IL1RAPL2: variants seen among roughly 807,000 people sequenced by gnomAD.
The protein encoded by IL1RAPL2 is interleukin 1 receptor accessory protein like 2.
In IL1RAPL2, 3 loss-of-function variants were observed where a neutral mutation model predicts 44.1. The ratio of observed to expected loss-of-function variants is 0.07; its 90% CI spans 0.03 to 0.18. IL1RAPL2 has a LOEUF of 0.18. Among genes scored for constraint, IL1RAPL2 ranks in the 10% least tolerant of loss-of-function variants. The pLI is 1.00. For missense variants in IL1RAPL2, 391 were observed against 496.4 expected (o/e 0.79, Z 2.02); for synonymous variants, 181 against 178.8 (o/e 1.01, Z -0.10).
intron 1 of IL1RAPL2, 48 bp downstream of exon 1, chrX:104,567,099 G>C (rs1379252586): frequency 8.8e-6 from 1 of 113,273 alleles, no homozygotes; most frequent in Non-Finnish European, 1.9e-5. Flanking sequence ...AGGGCCAGGG[G>C]AGAACGCGCT....
intron 2 of IL1RAPL2, among the ~76,000 whole-genome samples, chrX:104,797,734 G>A (rs898336563): frequency 1.8e-5 from 2 of 112,139 alleles, no homozygotes; most frequent in Non-Finnish European, 3.8e-5. Context: ...AGAGAATTCA[G>A]TATTGCTGGT....
chrX:104,584,844 G>A (rs1928475843), intron 1 of IL1RAPL2, among the ~76,000 whole-genome samples: 1 of 110,722 alleles, frequency 9.0e-6, no homozygotes, highest in African/African-American at 3.3e-5. Context: ...TTTTCTAACT[G>A]AAAGTTGTTA....
Position 105,755,364 on chromosome X carries a change from T to G in IL1RAPL2, c.1363+17T>G. On this transcript the variant is annotated intron_variant, in intron 10 of 10. Transcript: ENST00000372582. ...CAAGTGGAAGTAAGTACTTTCAAAT[T>G]TTGTGTTTAAAACGTTCTGTTTCTT... is the stretch of plus-strand genomic sequence containing the variant. 1 of 1,153,372 alleles carries G rather than the reference T, an allele frequency of 8.7e-7. No individual in the cohort carries two copies. Among genetic ancestry groups the G allele is most frequent in the Non-Finnish European group, 1.2e-6 (1 of 850,677 alleles).
intron 1 of IL1RAPL2, among the ~76,000 whole-genome samples, chrX:104,622,338 CA>C (rs200707628): frequency 0.16 from 17,800 of 109,310 alleles, 3,726 homozygotes; most frequent in African/African-American, 0.57. Context: ...AAGGTGTGAA[CA>C]AGGAAGAAAG....
intron 2 of IL1RAPL2, among the ~76,000 whole-genome samples, chrX:104,906,692 G>T (rs1602803409): frequency 1.8e-5 from 2 of 111,816 alleles, no homozygotes; most frequent in East Asian, 5.7e-4. Context: ...TTGATGTGCT[G>T]CTGGATTCGT....
At chrX:105,097,354 A>AAAAAAAAAAAG (rs1491439555) in intron 2 of IL1RAPL2, among the ~76,000 whole-genome samples, 1 of 97,304 alleles carries the variant, frequency 1.0e-5, no homozygotes, top group African/African-American at 3.8e-5. Flanking sequence ...AAAAAAAAAA[A>AAAAAAAAAAAG]CATGCCAGGG....
At chrX:104,969,017 G>C (rs1195734579) in intron 2 of IL1RAPL2, among the ~76,000 whole-genome samples, 7 of 106,553 alleles carry the variant, frequency 6.6e-5, no homozygotes, top group Non-Finnish European at 1.3e-4. Context: ...GTGTGTGTGT[G>C]TGTGTGTAAG....
chrX:105,008,682 A>G (rs1179205499), intron 2 of IL1RAPL2, among the ~76,000 whole-genome samples: 2 of 111,490 alleles, frequency 1.8e-5, no homozygotes, highest in Non-Finnish European at 3.8e-5. Flanking sequence ...CATTCAGGAT[A>G]TAGGCATGGG....
At chrX:104,568,762 A>G (rs1434104302) in intron 1 of IL1RAPL2, among the ~76,000 whole-genome samples, 1 of 111,569 alleles carries the variant, frequency 9.0e-6, no homozygotes, top group East Asian at 2.8e-4. Flanking sequence ...ATTCCCAAGT[A>G]TTCCTGAGCC....
At chrX:104,597,913 T>A (rs1212184955) in intron 1 of IL1RAPL2, among the ~76,000 whole-genome samples, 1 of 111,956 alleles carries the variant, frequency 8.9e-6, no homozygotes, top group African/African-American at 3.2e-5. Context: ...TTTTAACCAT[T>A]TTTCATAGTA....
chrX:104,598,917 C>T (rs1928819542), intron 1 of IL1RAPL2, among the ~76,000 whole-genome samples: 1 of 112,188 alleles, frequency 8.9e-6, no homozygotes, highest in Non-Finnish European at 1.9e-5. Flanking sequence ...TGATAGCATA[C>T]ACATGTGAAA....
At chrX:104,598,826 C>T (rs1007013473) in intron 1 of IL1RAPL2, among the ~76,000 whole-genome samples, 1 of 112,626 alleles carries the variant, frequency 8.9e-6, no homozygotes, top group Non-Finnish European at 1.9e-5. Flanking sequence ...AATGCTTTAA[C>T]CTAGAGTTAC....
At chrX:105,428,173 G>C (rs1176081910) in intron 5 of IL1RAPL2, among the ~76,000 whole-genome samples, 1 of 111,021 alleles carries the variant, frequency 9.0e-6, no homozygotes, top group African/African-American at 3.3e-5. Context: ...CAAATAAATT[G>C]AACTATCAAG....
chrX:105,027,839 A>C (rs1040891710), intron 2 of IL1RAPL2, among the ~76,000 whole-genome samples: 3 of 111,773 alleles, frequency 2.7e-5, no homozygotes, highest in Non-Finnish European at 5.7e-5. Flanking sequence ...ACATACCCAA[A>C]AGAAAGGAAA....
intron 2 of IL1RAPL2, among the ~76,000 whole-genome samples, chrX:105,087,330 TCC>T (rs2032491904): frequency 9.0e-6 from 1 of 111,662 alleles, no homozygotes; most frequent in South Asian, 3.7e-4. Flanking sequence ...ATATGTTATT[TCC>T]CCCTCTTCCA....
At chrX:104,714,743 G>A (rs1402125226) in intron 2 of IL1RAPL2, among the ~76,000 whole-genome samples, 4 of 111,292 alleles carry the variant, frequency 3.6e-5, no homozygotes, top group Non-Finnish European at 1.9e-5. Context: ...ATAATCGTGT[G>A]GTTTTTGTCT....
At chrX:105,531,053 A>G (rs945345573) in intron 6 of IL1RAPL2, among the ~76,000 whole-genome samples, 2 of 111,898 alleles carry the variant, frequency 1.8e-5, no homozygotes, top group Non-Finnish European at 3.8e-5. Context: ...GAGTGCAGAT[A>G]TCTCTTCAAT....
At chrX:105,281,650 A>G (rs1231567186) in intron 5 of IL1RAPL2, among the ~76,000 whole-genome samples, 2 of 111,612 alleles carry the variant, frequency 1.8e-5, no homozygotes, top group Non-Finnish European at 3.8e-5. Context: ...AGTATTCAGT[A>G]CACTAACATG....
intron 2 of IL1RAPL2, among the ~76,000 whole-genome samples, chrX:104,813,299 G>C (rs1458837926): frequency 9.9e-5 from 11 of 111,274 alleles, no homozygotes; most frequent in Non-Finnish European, 9.4e-5. Flanking sequence ...AAAGAGCAAG[G>C]AATGCCTAAG....
Sources: gnomAD v4.1 joint callset for allele counts (sites outside exome capture counted in the v4.1 genomes callset) on GRCh38, gnomAD v4.1.1 for gene constraint, MANE v1.5 for transcripts, NCBI Gene and HGNC (gene_info 2026-07-23, HGNC 2026-07-21) for gene names.